Variants in MAST4 observed in about 807,000 individuals in gnomAD.
MAST4 encodes the protein microtubule associated serine/threonine kinase family member 4.
MAST4 carries 89 observed loss-of-function variants against 162.7 expected under a neutral mutation model. The observed-to-expected ratio is 0.55, with a 90% CI of 0.46 to 0.65. MAST4 has a LOEUF of 0.65. MAST4 is among the 30% of genes least tolerant of loss of function. The probability of loss-of-function intolerance (pLI) is 0.00; values close to 1 mark genes in which losing one functional copy is unlikely to be tolerated. For synonymous variants in MAST4, 1,479 were observed against 1,361.1 expected (o/e 1.09, Z -1.91); for missense variants, 3,153 against 3,374.0 (o/e 0.93, Z 1.62).
intron 1 of MAST4, among the ~76,000 whole-genome samples, chr5:66,605,233 C>T (rs1447168349): frequency 2.6e-5 from 4 of 152,158 alleles, no homozygotes; most frequent in Non-Finnish European, 5.9e-5. Context: ...TACTTAGATG[C>T]AGCCAAGAAG....
chr5:67,004,165 C>T (rs924727843), intron 4 of MAST4, among the ~76,000 whole-genome samples: 1 of 152,100 alleles, frequency 6.6e-6, no homozygotes, highest in Non-Finnish European at 1.5e-5. Flanking sequence ...GAGCGGCGGC[C>T]CAGGCTGCGG....
In MAST4 at chr5:67,164,912, A is replaced by C. The variant is rs55664907; in HGVS notation, c.5733A>C (p.Gly1911=). The C allele has an allele frequency of 1.2e-3, 1,880 of 1,613,984 alleles. 23 individuals are homozygous for C. The African/African-American group carries it at 0.02, about 18-fold the overall frequency. The part of the protein sequence containing the change: ...KGPHPTARSP[G]TVMESNPQQR... Reference sequence around the variant, plus strand: ...CCCATCCTACTGCCAGGAGCCCTGGAACAGTCATGGAAAGCAATCCCCAAC... The same window carrying C: ...CCCATCCTACTGCCAGGAGCCCTGGCACAGTCATGGAAAGCAATCCCCAAC... The change falls in exon 29 of 29, where the codon GGA becomes GGC. Residue 1911 remains glycine (G), a synonymous_variant. Coordinates refer to ENST00000403625, the MANE Select transcript of MAST4 (RefSeq NM_001164664.2). This position sits in a 1 kb window ranked among gnomAD's most constrained non-coding sequence, Gnocchi z 5.3.
Position 67,044,507 on chromosome 5 carries a change from C to T in MAST4, c.675-9897C>T, listed in dbSNP as rs115977177. Among the ~76,000 whole-genome samples the T allele has an allele frequency of 3.3e-3, 498 of 152,184 alleles. 3 individuals are homozygous for T. Among genetic ancestry groups the T allele is most frequent in the African/African-American group, 0.012 (482 of 41,506 alleles). ...TTCTGCTACTATAAATCCTTCCTTCCTCCCCACCTTTTTCTTTTTTTAAAT... is the reference window on the plus strand; with the variant it reads ...TTCTGCTACTATAAATCCTTCCTTCTTCCCCACCTTTTTCTTTTTTTAAAT... On this transcript the variant is annotated intron_variant, in intron 4 of 28. Coordinates refer to ENST00000403625, the MANE Select transcript of MAST4 (RefSeq NM_001164664.2).
At chr5:66,607,051 A>G (rs1462343911) in intron 1 of MAST4, among the ~76,000 whole-genome samples, 2 of 152,168 alleles carry the variant, frequency 1.3e-5, no homozygotes, top group East Asian at 1.9e-4. Flanking sequence ...CTACACTACC[A>G]TGTTACAGCT....
intron 3 of MAST4, among the ~76,000 whole-genome samples, chr5:66,816,388 T>C (rs1437749764): frequency 6.6e-6 from 1 of 152,188 alleles, no homozygotes; most frequent in African/African-American, 2.4e-5. Flanking sequence ...TTCTAATCAA[T>C]CACCTCTCTC....
intron 5 of MAST4, among the ~76,000 whole-genome samples, chr5:67,073,199 A>C (rs1761184636): frequency 6.6e-6 from 1 of 151,786 alleles, no homozygotes; most frequent in Non-Finnish European, 1.5e-5. Context: ...GCACTGTGCC[A>C]GAGCAGGTCC....
At chr5:66,726,251 G>T (rs77605898) in intron 1 of MAST4, among the ~76,000 whole-genome samples, 3,994 of 152,178 alleles carry the variant, frequency 0.026, 180 homozygotes, top group African/African-American at 0.091. Context: ...GAAGTGGCAG[G>T]TGTATAGGTA....
intron 3 of MAST4, among the ~76,000 whole-genome samples, chr5:66,882,777 G>C (rs1194893735): frequency 6.6e-6 from 1 of 152,018 alleles, no homozygotes; most frequent in Non-Finnish European, 1.5e-5. Context: ...CTCAAGCAGG[G>C]AGCAGAATGA....
At position 67,166,229 on chromosome 5, in the gene MAST4, C is replaced by T. The variant is rs779721411; in HGVS notation, c.7050C>T (p.Asp2350=). The change falls in exon 29 of 29, where the codon GAC becomes GAT. Residue 2350 remains aspartate (D), a synonymous_variant. Coordinates refer to ENST00000403625, the MANE Select transcript of MAST4 (RefSeq NM_001164664.2). ...KDCPTLCKQT[D]NRQTDKSPSQ... is the part of the protein sequence containing the mutation. The stretch of plus-strand genomic sequence containing the variant: ...GCCCCACCCTGTGCAAACAGACAGA[C>T]AACAGACAGACAGACAAAAGCCCGA... 2.6e-6 allele frequency: 4 copies of T among 1,551,694 alleles called. No individual in the cohort carries two copies. The highest frequency in any genetic ancestry group is 3.5e-6 in the Non-Finnish European group (4 of 1,147,374).
chr5:66,617,998 T>A (rs1311544889), intron 1 of MAST4, among the ~76,000 whole-genome samples: 2 of 149,848 alleles, frequency 1.3e-5, no homozygotes, highest in East Asian at 4.0e-4. Flanking sequence ...AGCTTTGACA[T>A]CGTCTACACT....
Position 66,618,799 on chromosome 5 carries a change from A to G in MAST4, c.363+21781A>G, listed in dbSNP as rs563606061. 6.6e-5 allele frequency among the ~76,000 whole-genome samples: 10 copies of G among 152,288 alleles called. 1 individual carries two copies. The highest frequency in any genetic ancestry group is 2.4e-4 in the African/African-American group (10 of 41,554). ...AATCGCTAGTGCACTTTTTGTAAAA[A>G]GAAAAGGATTTTTTTTTTCTGACTT... On this transcript the variant is annotated intron_variant, in intron 1 of 28. Coordinates refer to ENST00000403625, the MANE Select transcript of MAST4 (RefSeq NM_001164664.2).
chr5:66,634,730 T>C (rs2149426122), intron 1 of MAST4, among the ~76,000 whole-genome samples: 1 of 152,330 alleles, frequency 6.6e-6, no homozygotes, highest in African/African-American at 2.4e-5. Context: ...TGTTTACACT[T>C]TGTTGCAGCT....
At chr5:67,003,681 G>C (rs1751550627) in intron 4 of MAST4, among the ~76,000 whole-genome samples, 1 of 152,074 alleles carries the variant, frequency 6.6e-6, no homozygotes, top group Non-Finnish European at 1.5e-5. Context: ...ATGGATAGGG[G>C]GAGATATTTA....
chr5:66,713,932 G>A (rs1750655274), intron 1 of MAST4, among the ~76,000 whole-genome samples: 1 of 152,172 alleles, frequency 6.6e-6, no homozygotes, highest in South Asian at 2.1e-4. Context: ...CCGTGTGCCT[G>A]ATACTCTCAT....
intron 4 of MAST4, among the ~76,000 whole-genome samples, chr5:66,948,813 C>A (rs1158480288): frequency 1.3e-5 from 2 of 152,080 alleles, no homozygotes; most frequent in African/African-American, 4.8e-5. Flanking sequence ...AGCTAATTAG[C>A]TCTTTGCTTT....
At chr5:66,628,679 T>C (rs778197996) in intron 1 of MAST4, among the ~76,000 whole-genome samples, 32 of 152,274 alleles carry the variant, frequency 2.1e-4, no homozygotes, top group Non-Finnish European at 3.5e-4. Flanking sequence ...TACAAGAATG[T>C]ATGATAGCAG....
At chr5:67,067,314 T>C (rs1044209876) in intron 5 of MAST4, among the ~76,000 whole-genome samples, 2 of 152,198 alleles carry the variant, frequency 1.3e-5, no homozygotes, top group African/African-American at 2.4e-5. Context: ...GGCAGTTCAC[T>C]CTCTGGGTCT....
At chr5:67,095,387 C>G (rs1326237004) in intron 6 of MAST4, among the ~76,000 whole-genome samples, 3 of 152,126 alleles carry the variant, frequency 2.0e-5, no homozygotes, top group Non-Finnish European at 1.5e-5. Context: ...TCAACCCATT[C>G]CCTTTCTACT....
intron 2 of MAST4, among the ~76,000 whole-genome samples, chr5:66,785,126 G>T (rs185055648): frequency 1.6e-3 from 248 of 152,308 alleles, no homozygotes; most frequent in African/African-American, 5.5e-3. Context: ...AGCTACTTGG[G>T]AGGCTGAGGC....
Sources: allele counts gnomAD v4.1 joint callset (sites outside exome capture counted in the v4.1 genomes callset), GRCh38; gene constraint gnomAD v4.1.1; non-coding constraint Gnocchi (gnomAD v3.1); transcripts MANE v1.5; gene names NCBI Gene and HGNC (gene_info 2026-07-23, HGNC 2026-07-21).